HSPG2: variants seen among roughly 807,000 people sequenced by gnomAD.
HSPG2 encodes heparan sulfate proteoglycan 2.
HSPG2 carries 278 observed loss-of-function variants against 526.6 expected under a neutral mutation model. The observed-to-expected ratio is 0.53, with a 90% CI of 0.48 to 0.58. The LOEUF (loss-of-function observed/expected upper bound fraction) is 0.58, where lower values mean the gene tolerates loss of function less well. HSPG2 is among the 20% of genes least tolerant of loss of function. The pLI is 0.00. For missense variants in HSPG2, 5,354 were observed against 6,099.5 expected, an observed-to-expected ratio of 0.88 and a Z score of 4.07; for synonymous variants, 2,465 against 2,555.4, an observed-to-expected ratio of 0.96 and a Z score of 1.07.
intron 1 of HSPG2, chr1:21,908,451 A>G: frequency 1.2e-6 from 1 of 853,970 alleles, no homozygotes. Flanking sequence ...AAAAGAGAGA[A>G]GCCAAAGAGA....
In HSPG2 at chr1:21,828,021, C is replaced by A; in HGVS notation, c.12532+9G>T. 1.2e-6 allele frequency: 2 copies of A among 1,613,614 alleles called. No homozygotes were observed. The highest frequency in any genetic ancestry group is 1.7e-6 in the Non-Finnish European group (2 of 1,179,988). The stretch of plus-strand genomic sequence containing the variant: ...AGAGATGAAGTGGAGAGAAGCCAGG[C>A]CTGGGTACCTTGTTGGCAGCGTGGG... On this transcript the variant is annotated intron_variant, in intron 90 of 96. Transcript: ENST00000374695. This position sits in a 1 kb window ranked among gnomAD's most constrained non-coding sequence, Gnocchi z 6.0.
intron 13 of HSPG2, among the ~76,000 whole-genome samples, chr1:21,883,089 G>C (rs752803437): frequency 1.1e-4 from 16 of 151,982 alleles, no homozygotes; most frequent in Non-Finnish European, 2.2e-4. Context: ...GACAGCCCTG[G>C]GTTCAGCTCC....
Position 21,937,187 on chromosome 1 carries a change from GC to G in HSPG2, c.30del (p.Leu11TrpfsTer12). 9.2e-7 allele frequency: 1 copy of G among 1,084,522 alleles called. No individual in the cohort carries two copies. Among genetic ancestry groups the G allele is most frequent in the Non-Finnish European group, 1.1e-6 (1 of 884,422 alleles). The allele number at this position is 1,084,522 out of a possible 1,614,324, so 67.2% of individuals were successfully genotyped here. On this transcript the variant is annotated frameshift_variant, in exon 1 of 97. Transcript: ENST00000374695. LOFTEE classifies it high-confidence loss of function. MGWRAAGAL[L>X]LALLLHGRLL... ...AGCCGCCCGTGCAGCAGCAGCGCCAGCAGCAGCGCGCCCGCCGCCCGCCACC... is the reference window on the plus strand; with the variant it reads ...AGCCGCCCGTGCAGCAGCAGCGCCAGAGCAGCGCGCCCGCCGCCCGCCACC...
chr1:21,846,372 A>G, intron 63 of HSPG2, 76 bp downstream of exon 63: 3 of 1,609,940 alleles, frequency 1.9e-6, no homozygotes, highest in South Asian at 1.1e-5. Flanking sequence ...GGGGGCTCCT[A>G]GGTCTCCCTC....
chr1:21,901,757 C>A (rs1294873190), intron 1 of HSPG2, among the ~76,000 whole-genome samples: 1 of 152,124 alleles, frequency 6.6e-6, no homozygotes, highest in Non-Finnish European at 1.5e-5. Flanking sequence ...AGTGAGCTCA[C>A]CCCATCAAAA....
At chr1:21,844,096 C>A in intron 65 of HSPG2, 52 bp downstream of exon 65, 1 of 1,604,140 alleles carries the variant, frequency 6.2e-7, no homozygotes, top group South Asian at 1.1e-5. Context: ...TGGATTCAGG[C>A]AGGACCACTG....
In HSPG2 at chr1:21,823,663, G is replaced by A. The variant is rs3736359; in HGVS notation, c.12956C>T (p.Ser4319Phe). 1.2e-6 allele frequency: 2 copies of A among 1,613,530 alleles called. No homozygotes were observed. Among genetic ancestry groups the A allele is most frequent in the Middle Eastern group, 1.6e-4 (1 of 6,084 alleles). Residue 4319 changes from serine to phenylalanine, a missense_variant, in exon 96 of 97, where the codon TCC becomes TTC. Transcript: ENST00000374695. ...VDGEELVSGR[S>F]PGPNVAVNAK... ...GTTGACTGCCACGTTGGGACCTGGG[G>A]ACCGGCCGCTGACCAGCTCCTCACC...
chr1:21,853,166 G>A (rs1439847608), intron 50 of HSPG2, 96 bp from the exon 51 acceptor site: 4 of 1,551,174 alleles, frequency 2.6e-6, no homozygotes, highest in African/African-American at 1.4e-5. Flanking sequence ...GCCCTAGTGG[G>A]GACGGCCGAC....
In HSPG2 at chr1:21,879,060, TC is replaced by T; in HGVS notation, c.2404del (p.Asp802ThrfsTer3). The T allele has an allele frequency of 6.2e-7, 1 of 1,614,180 alleles. No homozygotes were observed. Among genetic ancestry groups the T allele is most frequent in the Non-Finnish European group, 8.5e-7 (1 of 1,180,034 alleles). On this transcript the variant is annotated frameshift_variant, in exon 18 of 97. Transcript: ENST00000374695. LOFTEE classifies it high-confidence loss of function. ...GGAAGTGGCCGTGGCCTTCATGGCGTCCCCAAAGAAGCCAGCCTTGCACTTG... is the reference window on the plus strand; with the variant it reads ...GGAAGTGGCCGTGGCCTTCATGGCGTCCCAAAGAAGCCAGCCTTGCACTTG... ...CNKCKAGFFG[D>X]AMKATATSCR... is the part of the protein sequence containing the mutation.
In HSPG2 at chr1:21,841,043, C is replaced by A. The variant is rs968013776; in HGVS notation, c.9513+58G>T. Reference sequence around the variant, plus strand: ...TCCACTACTATCTCCTCCAAGCACCCGCTCAAGGCTGGGCCATGGACTGGG... The same window carrying A: ...TCCACTACTATCTCCTCCAAGCACCAGCTCAAGGCTGGGCCATGGACTGGG... On this transcript the variant is annotated intron_variant, in intron 71 of 96. Coordinates refer to ENST00000374695, the MANE Select transcript of HSPG2 (RefSeq NM_005529.7). The A allele has an allele frequency of 4.0e-6, 6 of 1,514,970 alleles. No individual in the cohort carries two copies. The African/African-American group carries it at 8.3e-5, about 21-fold the overall frequency. 93.8% of individuals were successfully genotyped at this position (1,514,970 alleles called of 1,614,324 possible).
chr1:21,832,379 G>C, intron 81 of HSPG2, 116 bp downstream of exon 81: 4 of 857,558 alleles, frequency 4.7e-6, no homozygotes, highest in Non-Finnish European at 7.8e-6. Context: ...CAAGGGTAAC[G>C]GCCACATTTT....
intron 21 of HSPG2, among the ~76,000 whole-genome samples, chr1:21,876,910 T>G (rs1030748731): frequency 4.6e-5 from 7 of 151,916 alleles, no homozygotes; most frequent in Non-Finnish European, 1.0e-4. Flanking sequence ...AATACAAAAA[T>G]TAGCCTGGCG....
Position 21,847,707 on chromosome 1 carries a change from G to T in HSPG2, c.8007C>A (p.Ser2669Arg), listed in dbSNP as rs775449592. The change falls in exon 61 of 97, where the codon AGC (serine) becomes AGA (arginine). Residue 2669 changes from serine to arginine, a missense_variant. Transcript: ENST00000374695. This position sits in a 1 kb window ranked among gnomAD's most constrained non-coding sequence, Gnocchi z 4.1. ...AIITWYKRGG[S>R]LPSRHQTHGS... ...TCTGTACCTGGTGTCGGGAGGGAAG[G>T]CTGCCCCCACGCTTGTACCATGTGA... 1 of 1,609,794 alleles carries T rather than the reference G, an allele frequency of 6.2e-7. No individual in the cohort carries two copies. The highest frequency in any genetic ancestry group is 8.5e-7 in the Non-Finnish European group (1 of 1,178,296).
intron 33 of HSPG2, among the ~76,000 whole-genome samples, chr1:21,871,391 G>C (rs1346312502): frequency 2.0e-5 from 3 of 150,230 alleles, no homozygotes; most frequent in African/African-American, 4.9e-5. Context: ...TCCCTAAATA[G>C]CTGGGACTAC....
At chr1:21,927,534 C>A (rs201600606) in intron 1 of HSPG2, among the ~76,000 whole-genome samples, 1 of 2,362 alleles carries the variant, frequency 4.2e-4, no homozygotes, top group Admixed American at 0.028. Context: ...ACATCCCCCA[C>A]CCCCCCCACT....
intron 42 of HSPG2, among the ~76,000 whole-genome samples, chr1:21,857,590 G>A (rs1297020799): frequency 2.6e-5 from 4 of 152,102 alleles, no homozygotes; most frequent in Non-Finnish European, 5.9e-5. Context: ...GCCACAGGAT[G>A]TGGTTGGGGA....
chr1:21,844,401 G>A (rs1638260989), intron 64 of HSPG2, 102 bp from the exon 65 acceptor site: 1 of 1,313,054 alleles, frequency 7.6e-7, no homozygotes, highest in African/African-American at 1.5e-5. Flanking sequence ...TTTGGGACAT[G>A]GCTTCTTTCC....
intron 1 of HSPG2, chr1:21,907,997 T>C: frequency 1.6e-6 from 1 of 641,216 alleles, no homozygotes; most frequent in South Asian, 1.5e-5. Flanking sequence ...GAGGGTTAAA[T>C]ACAGATGTAA....
chr1:21,837,060 T>G (rs1047337315), intron 74 of HSPG2, 54 bp from the exon 75 acceptor site: 1 of 1,472,160 alleles, frequency 6.8e-7, no homozygotes, highest in Non-Finnish European at 9.2e-7. Context: ...ATGTCCCTGA[T>G]GCCCCTCCAG....
Sources: gnomAD v4.1 joint callset for allele counts (sites outside exome capture counted in the v4.1 genomes callset) on GRCh38, gnomAD v4.1.1 for gene constraint, Gnocchi (gnomAD v3.1) non-coding constraint, MANE v1.5 for transcripts, NCBI Gene and HGNC (gene_info 2026-07-23, HGNC 2026-07-21) for gene names.